Variants in GNAS-AS1 observed in about 807,000 individuals in gnomAD.
The protein encoded by GNAS-AS1 is GNAS antisense RNA 1.
chr20:58,830,491 C>A (rs1276708634), intron 4 of GNAS-AS1, among the ~76,000 whole-genome samples: 3 of 116,836 alleles, frequency 2.6e-5, no homozygotes, highest in Non-Finnish European at 3.6e-5. Context: ...CCATCACCAC[C>A]ATCACCACCA....
chr20:58,823,697 G>C (rs1313159155), intron 4 of GNAS-AS1, among the ~76,000 whole-genome samples: 1 of 152,258 alleles, frequency 6.6e-6, no homozygotes, highest in Admixed American at 6.5e-5. Context: ...AGAAGGGGCA[G>C]AGCTGCAGTC....
In GNAS-AS1 at chr20:58,840,414, A is replaced by G. The variant is rs1388600196; in HGVS notation, n.819+1523T>C. 4 of 1,613,564 alleles carry G rather than the reference A, an allele frequency of 2.5e-6. No homozygotes were observed. The South Asian group carries it at 4.4e-5, about 18-fold the overall frequency. On this transcript the variant is annotated intron_variant and non_coding_transcript_variant, in intron 4 of 4. Coordinates refer to ENST00000424094, the Ensembl canonical transcript of GNAS-AS1. The surrounding 1 kb of genome is among the most constrained non-coding windows in gnomAD (Gnocchi z 6.0). ...CTGTCCCTCCCCGAGTGCCTAGAGT[A>G]CGAGGAAGAGTTCGACTACGAGACC...
At chr20:58,839,072 CCA>C in intron 4 of GNAS-AS1, 1 of 398,554 alleles carries the variant, frequency 2.5e-6, no homozygotes, top group Non-Finnish European at 4.4e-6. Context: ...GCTCTCAGCT[CCA>C]GTCCACTTCC....
chr20:58,819,332 C>T (rs1359877654), intron 4 of GNAS-AS1: 6 of 397,778 alleles, frequency 1.5e-5, no homozygotes, highest in Admixed American at 4.4e-5. Flanking sequence ...TGAAACCAGG[C>T]GCACACACAC....
chr20:58,836,838 C>T (rs2085606975), intron 4 of GNAS-AS1, among the ~76,000 whole-genome samples: 1 of 152,374 alleles, frequency 6.6e-6, no homozygotes, highest in East Asian at 1.9e-4. Context: ...TTTATAACTA[C>T]ACAGGACTGG....
rs532338564 is a variant in GNAS-AS1 at position 58,833,225 on chromosome 20, A to G, written n.819+8712T>C. Reference sequence around the variant, plus strand: ...CCAAATCTGCCATTTGGAAAACCGGAAAGTCTTCTCTTGCTCCTCTTCCCT... The same window carrying G: ...CCAAATCTGCCATTTGGAAAACCGGGAAGTCTTCTCTTGCTCCTCTTCCCT... On this transcript the variant is annotated intron_variant and non_coding_transcript_variant, in intron 4 of 4. Transcript: ENST00000424094. 2.6e-5 allele frequency among the ~76,000 whole-genome samples: 4 copies of G among 152,288 alleles called. No homozygotes were observed. The South Asian group carries it at 8.3e-4, about 32-fold the overall frequency.
At chr20:58,826,863 C>CTTTTTTTTTTGTTTTT (rs2085524177) in intron 4 of GNAS-AS1, 1 of 85,756 alleles carries the variant, frequency 1.2e-5, no homozygotes, top group Non-Finnish European at 2.2e-5. Flanking sequence ...CCATGCCTGG[C>CTTTTTTTTTTGTTTTT]TTTTTTTTTT....
chr20:58,845,218 A>G (rs117615061), intron 2 of GNAS-AS1, among the ~76,000 whole-genome samples: 3,230 of 152,288 alleles, frequency 0.021, 130 homozygotes, highest in Admixed American at 0.11. Flanking sequence ...GTGCTGTTGA[A>G]AGTTTTTTGG....
chr20:58,823,971 C>T (rs937387745), intron 4 of GNAS-AS1: 2 of 398,586 alleles, frequency 5.0e-6, no homozygotes, highest in Non-Finnish European at 8.8e-6. Context: ...CAGCCAAGTA[C>T]ACACCTATGC....
At chr20:58,827,109 A>G (rs2085526619) in intron 4 of GNAS-AS1, among the ~76,000 whole-genome samples, 1 of 151,944 alleles carries the variant, frequency 6.6e-6, no homozygotes, top group Non-Finnish European at 1.5e-5. Context: ...CTTTTCTAAC[A>G]TCTTTTAGTT....
intron 4 of GNAS-AS1, among the ~76,000 whole-genome samples, chr20:58,822,746 C>T (rs374422644): frequency 6.6e-6 from 1 of 151,572 alleles, no homozygotes; most frequent in East Asian, 2.0e-4. Flanking sequence ...TGGCCCCTTC[C>T]CTGAAGTCAG....
exon 5 of GNAS-AS1, chr20:58,819,073 A>C (rs890394038): frequency 5.0e-5 from 20 of 398,512 alleles, no homozygotes; most frequent in African/African-American, 3.7e-4. Flanking sequence ...TACCTCAAGG[A>C]TCTTGCTCAC....
chr20:58,823,849 G>A (rs1253629446), intron 4 of GNAS-AS1, among the ~76,000 whole-genome samples: 1 of 152,198 alleles, frequency 6.6e-6, no homozygotes, highest in Admixed American at 6.5e-5. Flanking sequence ...AGGAACAAGG[G>A]TCTGCTCCCC....
chr20:58,822,544 T>C (rs1309699342), intron 4 of GNAS-AS1, among the ~76,000 whole-genome samples: 1 of 152,196 alleles, frequency 6.6e-6, no homozygotes, highest in Non-Finnish European at 1.5e-5. Flanking sequence ...TCATCATTCA[T>C]CCTTAAAAGA....
chr20:58,848,253 T>G (rs1204809904), intron 2 of GNAS-AS1, among the ~76,000 whole-genome samples: 4 of 152,110 alleles, frequency 2.6e-5, no homozygotes, highest in African/African-American at 4.8e-5. Flanking sequence ...CGACAGCCAA[T>G]CCTGTCCTCC....
At chr20:58,830,416 ACCACCACCG>A (rs2085552857) in intron 4 of GNAS-AS1, among the ~76,000 whole-genome samples, 1 of 121,594 alleles carries the variant, frequency 8.2e-6, no homozygotes, top group Non-Finnish European at 1.7e-5. Context: ...CACCACCATC[ACCACCACCG>A]CCACACCACC....
intron 4 of GNAS-AS1, among the ~76,000 whole-genome samples, chr20:58,822,203 C>T (rs1264083829): frequency 1.3e-5 from 2 of 152,210 alleles, no homozygotes; most frequent in South Asian, 2.1e-4. Flanking sequence ...AAGGAGGCCC[C>T]GGCCAGAACT....
intron 4 of GNAS-AS1, chr20:58,834,512 A>G (rs1489780669): frequency 6.6e-6 from 1 of 152,300 alleles, no homozygotes; most frequent in East Asian, 1.9e-4. Flanking sequence ...CAGGGTCTGA[A>G]CCGGAGAATA....
chr20:58,838,916 C>CAAAAA (rs766172876), intron 4 of GNAS-AS1: 40 of 252,936 alleles, frequency 1.6e-4, no homozygotes, highest in African/African-American at 5.4e-4. Flanking sequence ...GATTCTGTCT[C>CAAAAA]AAAAAAAAAA....
Sources: allele counts gnomAD v4.1 joint callset (sites outside exome capture counted in the v4.1 genomes callset), GRCh38; gene constraint gnomAD v4.1.1; non-coding constraint Gnocchi (gnomAD v3.1); transcripts MANE v1.5; gene names NCBI Gene and HGNC (gene_info 2026-07-23, HGNC 2026-07-21).